Variants in TAB3 observed in about 807,000 individuals in gnomAD.
TAB3 encodes the protein TGF-beta activated kinase 1 (MAP3K7) binding protein 3, also known as TGF-beta-activated kinase 1 and MAP3K7-binding protein 3.
TAB3 carries 18 observed loss-of-function variants against 48.1 expected under a neutral mutation model. The observed-to-expected ratio is 0.37, with a 90% CI of 0.26 to 0.55. The LOEUF (loss-of-function observed/expected upper bound fraction) is 0.55, where lower values mean the gene tolerates loss of function less well. Among genes scored for constraint, TAB3 ranks in the 20% least tolerant of loss-of-function variants. TAB3 has a pLI of 0.78. For synonymous variants in TAB3, 185 were observed against 190.2 expected (o/e 0.97, Z 0.22); for missense variants, 414 against 549.8 (o/e 0.75, Z 2.47).
At chrX:30,831,796 A>G (rs1490426816) in intron 10 of TAB3, among the ~76,000 whole-genome samples, 1 of 112,179 alleles carries the variant, frequency 8.9e-6, no homozygotes, top group Non-Finnish European at 1.9e-5. Flanking sequence ...CTATAAGAAG[A>G]TGGATATATG....
chrX:30,869,780 A>G (rs1730624874), intron 2 of TAB3, among the ~76,000 whole-genome samples: 1 of 112,590 alleles, frequency 8.9e-6, no homozygotes, highest in Non-Finnish European at 1.9e-5. Flanking sequence ...TACTTAGAAC[A>G]GTGTTTTTCA....
intron 5 of TAB3, 29 bp from the exon 6 acceptor site, chrX:30,855,591 T>C (rs770605706): frequency 4.3e-5 from 49 of 1,147,785 alleles, no homozygotes; most frequent in East Asian, 9.0e-5. Context: ...AAAAGTAACA[T>C]TGGCAACATT....
chrX:30,863,671 C>G, intron 4 of TAB3, among the ~76,000 whole-genome samples: 1 of 112,381 alleles, frequency 8.9e-6, no homozygotes, highest in Non-Finnish European at 1.9e-5. Context: ...TCCTGAGGCT[C>G]TCACCAGAAG....
intron 9 of TAB3, among the ~76,000 whole-genome samples, chrX:30,840,403 CCAAA>C (rs1489084063): frequency 1.8e-5 from 2 of 111,321 alleles, no homozygotes; most frequent in Admixed American, 1.9e-4. Flanking sequence ...TTTGCCTTGC[CCAAA>C]CAGAGGTCTG....
chrX:30,827,620 A>G lies in TAB3; in HGVS notation c.*3807T>C, dbSNP rs983894654. On this transcript the variant is annotated 3_prime_UTR_variant, in exon 11 of 11. Transcript: ENST00000288422. ...AGAGACATGGTATTTACAAGATTTA[A>G]TAAGTTTTTGCTGCTTTAATGAAGA... The G allele has an allele frequency of 2.7e-5, 3 of 112,742 alleles. No individual in the cohort carries two copies. Among genetic ancestry groups the G allele is most frequent in the Admixed American group, 1.9e-4 (2 of 10,572 alleles). The allele number at this position is 112,742 out of a possible 1,213,427, so 9.3% of individuals were successfully genotyped here.
chrX:30,883,840 C>A (rs1417322531), intron 1 of TAB3, among the ~76,000 whole-genome samples: 1 of 111,192 alleles, frequency 9.0e-6, no homozygotes, highest in Non-Finnish European at 1.9e-5. Context: ...TGACATTTTT[C>A]TGTGGGAAAA....
At chrX:30,850,723 AAAAG>A (rs1478839612) in intron 7 of TAB3, among the ~76,000 whole-genome samples, 8 of 108,868 alleles carry the variant, frequency 7.3e-5, no homozygotes, top group African/African-American at 1.0e-4. Context: ...CAAAAAAAAA[AAAAG>A]AAAGAAAGAA....
intron 10 of TAB3, 150 bp downstream of exon 10, chrX:30,833,901 T>C (rs1601793279): frequency 2.4e-6 from 1 of 409,711 alleles, no homozygotes; most frequent in Non-Finnish European, 4.2e-6. Context: ...ATATGTGGCT[T>C]GCATTATATT....
chrX:30,854,652 G>A lies in TAB3; in HGVS notation c.1013C>T (p.Pro338Leu). 8.3e-7 allele frequency: 1 copy of A among 1,211,284 alleles called. No individual in the cohort carries two copies. Among genetic ancestry groups the A allele is most frequent in the South Asian group, 1.8e-5 (1 of 56,992 alleles). Reference protein sequence around the residue: ...TPPHPYQQGPPSYQKQGSHSV... With the variant: ...TPPHPYQQGPLSYQKQGSHSV... Reference sequence around the variant, plus strand: ...ATGGCTTCCCTGTTTCTGATAGCTAGGAGGTCCTTGTTGATATGGATGGGG... The same window carrying A: ...ATGGCTTCCCTGTTTCTGATAGCTAAGAGGTCCTTGTTGATATGGATGGGG... Residue 338 changes from proline to leucine, a missense_variant, in exon 6 of 11, where the codon CCT becomes CTT. Physicochemically the swap from Pro to Leu is moderately conservative, Grantham distance 98. Coordinates refer to ENST00000288422, the MANE Select transcript of TAB3 (RefSeq NM_152787.5).
intron 1 of TAB3, among the ~76,000 whole-genome samples, chrX:30,872,670 ATT>A (rs1939696150): frequency 8.9e-6 from 1 of 112,739 alleles, no homozygotes; most frequent in South Asian, 3.7e-4. Flanking sequence ...AAGTGACCAA[ATT>A]GAACAATCAC....
intron 1 of TAB3, among the ~76,000 whole-genome samples, chrX:30,881,256 G>A (rs1006962554): frequency 2.0e-4 from 22 of 110,878 alleles, no homozygotes; most frequent in African/African-American, 6.9e-4. Context: ...TGATCTGGGT[G>A]CTAGTACACA....
intron 1 of TAB3, among the ~76,000 whole-genome samples, chrX:30,875,579 T>C (rs1386055802): frequency 1.8e-5 from 2 of 111,511 alleles, no homozygotes; most frequent in African/African-American, 3.3e-5. Flanking sequence ...GAAAGTATTC[T>C]CTTCCATGAG....
intron 9 of TAB3, chrX:30,836,442 G>A (rs1452586256): frequency 9.0e-6 from 1 of 111,659 alleles, no homozygotes; most frequent in Non-Finnish European, 1.9e-5. Flanking sequence ...GCTACGCATT[G>A]AGCATTCAAT....
intron 4 of TAB3, among the ~76,000 whole-genome samples, chrX:30,861,133 GACA>G (rs1198249173): frequency 9.0e-6 from 1 of 111,535 alleles, no homozygotes; most frequent in Admixed American, 9.5e-5. Flanking sequence ...AAGTAAAAAT[GACA>G]ACAAAAACCA....
Position 30,827,837 on chromosome X carries a change from A to G in TAB3, c.*3590T>C, listed in dbSNP as rs1271789547. On this transcript the variant is annotated 3_prime_UTR_variant, in exon 11 of 11. Coordinates refer to ENST00000288422, the MANE Select transcript of TAB3 (RefSeq NM_152787.5). ...AAATATTTGGGGATGCAAATAATACAGGAAAAAAAGTCTGGTGAATGTGAA... is the reference window on the plus strand; with the variant it reads ...AAATATTTGGGGATGCAAATAATACGGGAAAAAAAGTCTGGTGAATGTGAA... The G allele has an allele frequency of 8.9e-6, 1 of 112,660 alleles. No homozygotes were observed. Among genetic ancestry groups the G allele is most frequent in the Non-Finnish European group, 1.9e-5 (1 of 53,270 alleles). 9.3% of individuals were successfully genotyped at this position (112,660 alleles called of 1,213,427 possible). A position where few individuals can be genotyped will look rare whatever the true frequency, so the allele number is the denominator to read the frequency against.
intron 1 of TAB3, among the ~76,000 whole-genome samples, chrX:30,886,518 C>T (rs996435806): frequency 1.8e-5 from 2 of 112,024 alleles, no homozygotes; most frequent in African/African-American, 6.5e-5. Context: ...CTACATAATA[C>T]ACACACATAC....
rs909178051 is a variant in TAB3, at chrX:30,839,943, T to C, written c.1888+3023A>G. ...ATATATATATATATATATATATATA[T>C]AATATATATTAAAAAAACACACACT... On this transcript the variant is annotated intron_variant, in intron 9 of 10. Coordinates refer to ENST00000288422, the MANE Select transcript of TAB3 (RefSeq NM_152787.5). Among the ~76,000 whole-genome samples the C allele has an allele frequency of 6.3e-3, 598 of 94,907 alleles. 2 individuals carry two copies. The highest frequency in any genetic ancestry group is 0.022 in the African/African-American group (560 of 25,598). 82.4% of individuals were successfully genotyped at this position (94,907 alleles called of 115,157 possible). A position where few individuals can be genotyped will look rare whatever the true frequency, so the allele number is the denominator to read the frequency against.
chrX:30,887,684 C>T (rs1011692948), intron 1 of TAB3, among the ~76,000 whole-genome samples: 3 of 112,154 alleles, frequency 2.7e-5, no homozygotes, highest in African/African-American at 9.7e-5. Flanking sequence ...TGAGGATCTC[C>T]AGTGCCTGAA....
At chrX:30,834,224 G>A in intron 9 of TAB3, 72 bp from the exon 10 acceptor site, 1 of 955,283 alleles carries the variant, frequency 1.0e-6, no homozygotes, top group East Asian at 3.1e-5. Flanking sequence ...AGGCTCACAA[G>A]ATCTTTCAAG....
Sources: allele counts gnomAD v4.1 joint callset (sites outside exome capture counted in the v4.1 genomes callset), GRCh38; gene constraint gnomAD v4.1.1; transcripts MANE v1.5; gene names NCBI Gene and HGNC (gene_info 2026-07-23, HGNC 2026-07-21).